Variants in IQCJ observed in about 807,000 individuals in gnomAD.
The protein encoded by IQCJ is IQ motif containing J.
A neutral mutation model predicts 11.0 loss-of-function variants in IQCJ; 9 were observed. The ratio of observed to expected loss-of-function variants is 0.82; its 90% CI spans 0.49 to 1.43. The LOEUF (loss-of-function observed/expected upper bound fraction) is 1.43. IQCJ is among the 40% of genes most tolerant of loss of function. The pLI is 0.00. For missense variants in IQCJ, 146 were observed against 133.2 expected (o/e 1.10, Z -0.47); for synonymous variants, 55 against 51.3 (o/e 1.07, Z -0.31).
intron 1 of IQCJ, among the ~76,000 whole-genome samples, chr3:159,232,906 T>C (rs1481956296): frequency 2.0e-5 from 3 of 152,166 alleles, no homozygotes; most frequent in Admixed American, 6.5e-5. Flanking sequence ...TAGGTGGGGG[T>C]TGGCTGAGAG....
chr3:159,151,011 G>A (rs1232142722), intron 1 of IQCJ, among the ~76,000 whole-genome samples: 1 of 152,182 alleles, frequency 6.6e-6, no homozygotes, highest in African/African-American at 2.4e-5. Flanking sequence ...AATGTTGGGA[G>A]TTGTGTGGGA....
chr3:159,094,422 CTTTTTTTTTTT>C (rs71302258), intron 1 of IQCJ, among the ~76,000 whole-genome samples: 5 of 71,714 alleles, frequency 7.0e-5, no homozygotes, highest in Non-Finnish European at 1.0e-4. Context: ...ACAGGATCTG[CTTTTTTTTTTT>C]TTTTTTTTTT....
At chr3:159,114,926 C>G (rs1266024137) in intron 1 of IQCJ, among the ~76,000 whole-genome samples, 1 of 152,198 alleles carries the variant, frequency 6.6e-6, no homozygotes, top group Non-Finnish European at 1.5e-5. Flanking sequence ...CCCCCCTGCC[C>G]CCGGGGCTAG....
intron 1 of IQCJ, among the ~76,000 whole-genome samples, chr3:159,085,317 T>G (rs1294885203): frequency 6.6e-6 from 1 of 151,462 alleles, no homozygotes; most frequent in Admixed American, 6.6e-5. Context: ...CAGTCTATCA[T>G]TGTTGGACAT....
intron 1 of IQCJ, among the ~76,000 whole-genome samples, chr3:159,196,999 T>C (rs928016833): frequency 5.9e-5 from 9 of 151,952 alleles, no homozygotes; most frequent in Non-Finnish European, 1.3e-4. Context: ...AAAACAAATG[T>C]TGATCATTTT....
chr3:159,236,297 T>C (rs543338184), intron 1 of IQCJ, among the ~76,000 whole-genome samples: 1 of 151,890 alleles, frequency 6.6e-6, no homozygotes, highest in South Asian at 2.1e-4. Context: ...CCAAGGAATT[T>C]AGTCCTTGCT....
At chr3:159,186,716 T>C (rs970435475) in intron 1 of IQCJ, among the ~76,000 whole-genome samples, 3 of 152,216 alleles carry the variant, frequency 2.0e-5, no homozygotes, top group African/African-American at 7.2e-5. Flanking sequence ...ACATACTGAA[T>C]TGCTATTTTT....
At chr3:159,080,141 A>G (rs1382215166) in intron 1 of IQCJ, among the ~76,000 whole-genome samples, 1 of 152,122 alleles carries the variant, frequency 6.6e-6, no homozygotes, top group African/African-American at 2.4e-5. Context: ...TCCAAACACA[A>G]TATATCTTAA....
At chr3:159,104,070 T>G (rs1055107048) in intron 1 of IQCJ, among the ~76,000 whole-genome samples, 1 of 152,288 alleles carries the variant, frequency 6.6e-6, no homozygotes, top group South Asian at 2.1e-4. Flanking sequence ...AGTTTAGAAA[T>G]GAGCAAAGCA....
chr3:159,215,710 T>G (rs1222147498), intron 1 of IQCJ, among the ~76,000 whole-genome samples: 15 of 152,158 alleles, frequency 9.9e-5, no homozygotes. Context: ...TATTTTGCAT[T>G]GCTATCAGTT....
chr3:159,115,123 G>A (rs1718889760), intron 1 of IQCJ, among the ~76,000 whole-genome samples: 1 of 152,190 alleles, frequency 6.6e-6, no homozygotes, highest in African/African-American at 2.4e-5. Context: ...AGTTTGAGTA[G>A]GAAAGTTGCT....
intron 1 of IQCJ, among the ~76,000 whole-genome samples, chr3:159,179,712 A>C (rs889601946): frequency 3.9e-5 from 6 of 152,220 alleles, no homozygotes; most frequent in African/African-American, 1.4e-4. Flanking sequence ...CGTACCATTT[A>C]TTAAGCATTT....
At position 159,262,972 on chromosome 3, in the gene IQCJ, G is replaced by C. The variant is rs1175689063; in HGVS notation, c.*241G>C. ...ATCTTTTTTGCTTTTCTTTATAATA[G>C]CATATTTCTTTTAGTATGTGCTGTG... is the stretch of plus-strand genomic sequence containing the variant. On this transcript the variant is annotated 3_prime_UTR_variant, in exon 4 of 4. Transcript: ENST00000397832. 1 of 1,213,306 alleles carries C rather than the reference G, an allele frequency of 8.2e-7. No individual in the cohort carries two copies. Among genetic ancestry groups the C allele is most frequent in the Non-Finnish European group, 1.0e-6 (1 of 969,838 alleles). 75.2% of individuals were successfully genotyped at this position (1,213,306 alleles called of 1,614,324 possible). A position where few individuals can be genotyped will look rare whatever the true frequency, so the allele number is the denominator to read the frequency against.
chr3:159,095,431 G>C (rs1220513199), intron 1 of IQCJ, among the ~76,000 whole-genome samples: 2 of 146,236 alleles, frequency 1.4e-5, no homozygotes, highest in African/African-American at 5.2e-5. Context: ...AGTTACATAT[G>C]TATACATGTG....
At chr3:159,189,098 G>A (rs1178627198) in intron 1 of IQCJ, among the ~76,000 whole-genome samples, 2 of 152,006 alleles carry the variant, frequency 1.3e-5, no homozygotes, top group South Asian at 4.2e-4. Flanking sequence ...CCACATTATG[G>A]GGCAGAACTT....
intron 1 of IQCJ, among the ~76,000 whole-genome samples, chr3:159,199,293 G>A (rs1221042378): frequency 1.3e-5 from 2 of 152,280 alleles, no homozygotes; most frequent in South Asian, 2.1e-4. Flanking sequence ...AATGACCAAA[G>A]CAGGTGTCAT....
chr3:159,263,320 C>A lies in IQCJ; in HGVS notation c.*589C>A. ...AGAAATCTGCATTTTTAAGTGTTAGCAGCCAGTAAGAAAATTTAAAAGGTA... is the reference window on the plus strand; with the variant it reads ...AGAAATCTGCATTTTTAAGTGTTAGAAGCCAGTAAGAAAATTTAAAAGGTA... On this transcript the variant is annotated 3_prime_UTR_variant, in exon 4 of 4. Coordinates refer to ENST00000397832, the MANE Select transcript of IQCJ (RefSeq NM_001042706.3). The A allele has an allele frequency of 4.1e-6, 2 of 484,012 alleles. No homozygotes were observed. Among genetic ancestry groups the A allele is most frequent in the Non-Finnish European group, 5.4e-6 (2 of 372,214 alleles). 30.0% of individuals were successfully genotyped at this position (484,012 alleles called of 1,614,324 possible). A position where few individuals can be genotyped will look rare whatever the true frequency, so the allele number is the denominator to read the frequency against.
chr3:159,171,510 T>C (rs1256054488), intron 1 of IQCJ, among the ~76,000 whole-genome samples: 1 of 152,164 alleles, frequency 6.6e-6, no homozygotes, highest in Non-Finnish European at 1.5e-5. Context: ...TCCCAGGTAA[T>C]GCTGATGCTG....
chr3:159,233,213 G>T (rs928466026), intron 1 of IQCJ, among the ~76,000 whole-genome samples: 5 of 152,066 alleles, frequency 3.3e-5, no homozygotes, highest in African/African-American at 1.2e-4. Flanking sequence ...AGTCGGTTGG[G>T]GATGGAAAGA....
Sources: allele counts gnomAD v4.1 joint callset (sites outside exome capture counted in the v4.1 genomes callset), GRCh38; gene constraint gnomAD v4.1.1; transcripts MANE v1.5; gene names NCBI Gene and HGNC (gene_info 2026-07-23, HGNC 2026-07-21).